Variants in GLIS1 observed in about 807,000 individuals in gnomAD.
GLIS1 encodes the protein GLIS family zinc finger 1.
Under a neutral mutation model 63.8 loss-of-function variants are expected in GLIS1, and 24 were observed. The ratio of observed to expected loss-of-function variants is 0.38; its 90% confidence interval spans 0.27 to 0.53. The LOEUF (loss-of-function observed/expected upper bound fraction) is 0.53. Among genes scored for constraint, GLIS1 ranks in the 20% least tolerant of loss-of-function variants. The pLI, the probability that GLIS1 is intolerant of heterozygous loss-of-function variation, is 0.85. For synonymous variants in GLIS1, 450 were observed against 482.5 expected (o/e 0.93, Z 0.88); for missense variants, 1,036 against 1,074.1 (o/e 0.96, Z 0.50).
intron 7 of GLIS1, among the ~76,000 whole-genome samples, chr1:53,517,063 A>T (rs545765871): frequency 6.6e-6 from 1 of 152,128 alleles, no homozygotes. Flanking sequence ...AATATATTCC[A>T]TTTTAAGATG....
At chr1:53,625,832 T>C (rs181383064) in intron 2 of GLIS1, among the ~76,000 whole-genome samples, 12 of 152,336 alleles carry the variant, frequency 7.9e-5, no homozygotes, top group African/African-American at 2.9e-4. Flanking sequence ...TGCCCAAGTA[T>C]AGGCTGAGGA....
chr1:53,513,161 G>C (rs879472276), intron 8 of GLIS1, among the ~76,000 whole-genome samples: 7 of 151,994 alleles, frequency 4.6e-5, no homozygotes, highest in African/African-American at 1.7e-4. Context: ...TCATCCCTGA[G>C]GCCTCCTCCT....
intron 2 of GLIS1, among the ~76,000 whole-genome samples, chr1:53,655,619 T>G (rs72896762): frequency 0.021 from 3,209 of 152,204 alleles, 106 homozygotes; most frequent in African/African-American, 0.072. Context: ...CATTCTAATA[T>G]TTCTTCCCCC....
rs1192725931 is a variant in GLIS1, at chr1:53,598,772, CAGA to C, written c.437+1326_437+1328del. Among the ~76,000 whole-genome samples the C allele has an allele frequency of 2.6e-5, 4 of 152,174 alleles. No individual in the cohort carries two copies. Among genetic ancestry groups the C allele is most frequent in the African/African-American group, 4.8e-5 (2 of 41,436 alleles). ...AAACAAACGAATACACACCCAAAAT[CAGA>C]AGTTTTACTAATATCAAAGGAAGCC... On this transcript the variant is annotated intron_variant, in intron 3 of 10. Coordinates refer to ENST00000628545, the MANE Select transcript of GLIS1 (RefSeq NM_001367484.1). This position sits in a 1 kb window ranked among gnomAD's most constrained non-coding sequence, Gnocchi z 4.6.
At position 53,580,753 on chromosome 1, in the gene GLIS1, C is replaced by T. The variant is rs186526858; in HGVS notation, c.1320+13355G>A. 1.1e-3 allele frequency among the ~76,000 whole-genome samples: 162 copies of T among 152,232 alleles called. 2 individuals carry two copies. In the Middle Eastern group the frequency reaches 0.017, roughly 16 times the overall value. ...AAGAGAACACGTGCCTAACCAATGC[C>T]GCTTTCCTTCCTTCCTCACACTTTA... On this transcript the variant is annotated intron_variant, in intron 4 of 10. Transcript: ENST00000628545.
chr1:53,654,343 G>A (rs1249994361), intron 2 of GLIS1, among the ~76,000 whole-genome samples: 1 of 152,214 alleles, frequency 6.6e-6, no homozygotes, highest in African/African-American at 2.4e-5. Context: ...AGGCCAGGGG[G>A]ATGGAGGAGC....
intron 2 of GLIS1, among the ~76,000 whole-genome samples, chr1:53,692,728 G>T (rs1646419991): frequency 6.6e-6 from 1 of 152,216 alleles, no homozygotes; most frequent in Non-Finnish European, 1.5e-5. Context: ...CTAGAAGTTG[G>T]CTGTGAAGAA....
chr1:53,637,123 A>G (rs918923592), intron 2 of GLIS1, among the ~76,000 whole-genome samples: 3 of 152,182 alleles, frequency 2.0e-5, no homozygotes, highest in African/African-American at 7.2e-5. Context: ...ACTGCTGTGC[A>G]CTGGGCAGCT....
chr1:53,671,678 C>T (rs1401009132), intron 2 of GLIS1, among the ~76,000 whole-genome samples: 1 of 152,184 alleles, frequency 6.6e-6, no homozygotes, highest in Non-Finnish European at 1.5e-5. Flanking sequence ...TAGGGAGAGG[C>T]ACATGAATTT....
intron 4 of GLIS1, among the ~76,000 whole-genome samples, chr1:53,572,975 C>T (rs1447957237): frequency 6.6e-6 from 1 of 152,324 alleles, no homozygotes; most frequent in South Asian, 2.1e-4. Context: ...TGTTAGTGTG[C>T]TCAGAACAGA....
chr1:53,621,851 G>C (rs566157730), intron 2 of GLIS1, among the ~76,000 whole-genome samples: 3 of 151,722 alleles, frequency 2.0e-5, no homozygotes, highest in African/African-American at 2.4e-5. Context: ...TCTCACTCTC[G>C]CCAGGTTGGA....
chr1:53,636,958 G>C (rs1645732209), intron 2 of GLIS1, among the ~76,000 whole-genome samples: 1 of 152,158 alleles, frequency 6.6e-6, no homozygotes, highest in African/African-American at 2.4e-5. Flanking sequence ...CTCACCTCTG[G>C]GTCCCTAGCC....
At chr1:53,524,188 G>C (rs1644439883) in intron 6 of GLIS1, among the ~76,000 whole-genome samples, 1 of 152,200 alleles carries the variant, frequency 6.6e-6, no homozygotes, top group African/African-American at 2.4e-5. Context: ...GCACGTACGT[G>C]CCTGGGTGCA....
At chr1:53,597,125 G>A (rs1645263542) in intron 3 of GLIS1, among the ~76,000 whole-genome samples, 1 of 135,532 alleles carries the variant, frequency 7.4e-6, no homozygotes, top group Admixed American at 8.2e-5. Context: ...GTTGGGGGTT[G>A]AGAGCATTAA....
At chr1:53,721,930 C>A (rs891317080) in intron 2 of GLIS1, among the ~76,000 whole-genome samples, 1 of 152,050 alleles carries the variant, frequency 6.6e-6, no homozygotes, top group African/African-American at 2.4e-5. Flanking sequence ...GCATTAACAT[C>A]CCTAATGACA....
At chr1:53,545,288 C>A (rs1265731934) in intron 4 of GLIS1, among the ~76,000 whole-genome samples, 1 of 152,182 alleles carries the variant, frequency 6.6e-6, no homozygotes, top group Non-Finnish European at 1.5e-5. Flanking sequence ...TCCATGGACC[C>A]CAAGGACAGG....
chr1:53,617,164 C>T (rs985634425), intron 2 of GLIS1, among the ~76,000 whole-genome samples: 3 of 152,154 alleles, frequency 2.0e-5, no homozygotes, highest in African/African-American at 7.2e-5. Flanking sequence ...GGGTTCCACC[C>T]CAGGGGACAC....
chr1:53,664,832 T>C (rs1646070609), intron 2 of GLIS1, among the ~76,000 whole-genome samples: 1 of 152,028 alleles, frequency 6.6e-6, no homozygotes, highest in South Asian at 2.1e-4. Context: ...CGAGGGAGCA[T>C]GCCAGGAGGT....
intron 4 of GLIS1, among the ~76,000 whole-genome samples, chr1:53,556,813 G>GGTGTGTGTGTGCAGGTGTACTGCAGCAT (rs1557449190): frequency 6.8e-6 from 1 of 147,674 alleles, no homozygotes; most frequent in Non-Finnish European, 1.5e-5. Context: ...GTATACTGCA[G>GGTGTGTGTGTGCAGGTGTACTGCAGCAT]GTGTGTGTGT....
Sources: gnomAD v4.1 joint callset for allele counts (sites outside exome capture counted in the v4.1 genomes callset) on GRCh38, gnomAD v4.1.1 for gene constraint, Gnocchi (gnomAD v3.1) non-coding constraint, MANE v1.5 for transcripts, NCBI Gene and HGNC (gene_info 2026-07-23, HGNC 2026-07-21) for gene names.